DPH6: variants seen among roughly 807,000 people sequenced by gnomAD.
DPH6 encodes diphthamine biosynthesis 6, also known as diphthine--ammonia ligase.
In DPH6, 33 loss-of-function variants were observed where a neutral mutation model predicts 38.2. The observed-to-expected ratio is 0.86, with a 90% CI of 0.65 to 1.15. The LOEUF is 1.15. Among genes scored for constraint, DPH6 ranks in the 50% most tolerant of loss-of-function variants. The pLI, the probability that DPH6 is intolerant of heterozygous loss-of-function variation, is 0.00. For missense variants in DPH6, 325 were observed against 320.0 expected (o/e 1.02, Z -0.12); for synonymous variants, 108 against 103.0 (o/e 1.05, Z -0.30).
At chr15:35,251,836 T>A (rs1482265020) in intron 3 of DPH6, among the ~76,000 whole-genome samples, 1 of 152,198 alleles carries the variant, frequency 6.6e-6, no homozygotes, top group Non-Finnish European at 1.5e-5. Context: ...ACTAACCATG[T>A]TACTATGCAT....
At chr15:35,235,955 C>T (rs1207777339) in intron 3 of DPH6, among the ~76,000 whole-genome samples, 2 of 152,060 alleles carry the variant, frequency 1.3e-5, no homozygotes, top group Non-Finnish European at 2.9e-5. Flanking sequence ...AGAACATGGA[C>T]TAATAATATA....
At chr15:35,374,562 C>T (rs967616624) in intron 7 of DPH6, among the ~76,000 whole-genome samples, 5 of 152,032 alleles carry the variant, frequency 3.3e-5, no homozygotes, top group African/African-American at 1.2e-4. Flanking sequence ...GTTTACTTCC[C>T]ACTTGAAAGA....
chr15:35,156,521 G>A, the DPH6 span, among the ~76,000 whole-genome samples: 1 of 152,066 alleles, frequency 6.6e-6, no homozygotes, highest in Admixed American at 6.6e-5. Context: ...GAGTGGCGGG[G>A]GTAAAGGGGG....
At chr15:35,179,271 A>C in the DPH6 span, among the ~76,000 whole-genome samples, 2 of 151,730 alleles carry the variant, frequency 1.3e-5, no homozygotes, top group African/African-American at 4.8e-5. Flanking sequence ...GACAATTTAC[A>C]TCAAATTTTA....
intron 3 of DPH6, among the ~76,000 whole-genome samples, chr15:35,283,796 G>A (rs1430126650): frequency 3.9e-5 from 5 of 127,722 alleles, no homozygotes; most frequent in Admixed American, 2.3e-4. Flanking sequence ...ACACACACAC[G>A]GAGTCTTAGA....
intron 3 of DPH6, among the ~76,000 whole-genome samples, chr15:35,243,636 C>A (rs1369242300): frequency 6.7e-6 from 1 of 149,530 alleles, no homozygotes; most frequent in African/African-American, 2.5e-5. Flanking sequence ...ACCTTGTGAC[C>A]CCTGCCCCTG....
At chr15:35,272,015 T>C (rs559695652) in intron 3 of DPH6, among the ~76,000 whole-genome samples, 29 of 152,350 alleles carry the variant, frequency 1.9e-4, no homozygotes, top group African/African-American at 6.5e-4. Flanking sequence ...ATCTATTTTA[T>C]AGGGTGTTTG....
chr15:35,332,894 T>A (rs1370870415), intron 3 of DPH6, among the ~76,000 whole-genome samples: 10 of 151,932 alleles, frequency 6.6e-5, no homozygotes. Context: ...AAATATACAC[T>A]GTTTTGTAGA....
chr15:35,170,592 A>G, the DPH6 span, among the ~76,000 whole-genome samples: 5 of 152,210 alleles, frequency 3.3e-5, no homozygotes, highest in Non-Finnish European at 5.9e-5. Flanking sequence ...GTACAAACCT[A>G]TTCACTAATA....
chr15:35,182,220 A>ATTTTTTTT, the DPH6 span, among the ~76,000 whole-genome samples: 14 of 86,036 alleles, frequency 1.6e-4, 2 homozygotes, highest in African/African-American at 3.1e-4. Flanking sequence ...AACTCTAAGA[A>ATTTTTTTT]TTTTTTTTTT....
At chr15:35,447,156 G>A (rs1281468769) in intron 5 of DPH6, among the ~76,000 whole-genome samples, 1 of 151,934 alleles carries the variant, frequency 6.6e-6, no homozygotes, top group Non-Finnish European at 1.5e-5. Flanking sequence ...GGCCATAGGT[G>A]GAATCTTTAA....
intron 5 of DPH6, among the ~76,000 whole-genome samples, chr15:35,440,737 G>A (rs1044363429): frequency 6.6e-6 from 1 of 152,168 alleles, no homozygotes; most frequent in African/African-American, 2.4e-5. Flanking sequence ...GGGAGAATGG[G>A]GAGGAGCCAC....
chr15:35,356,519 C>T (rs1415928519), intron 3 of DPH6, among the ~76,000 whole-genome samples: 1 of 152,190 alleles, frequency 6.6e-6, no homozygotes, highest in Non-Finnish European at 1.5e-5. Context: ...CCCTCAGCTG[C>T]AGGTCTGTTG....
intron 3 of DPH6, among the ~76,000 whole-genome samples, chr15:35,293,225 T>C (rs2051991352): frequency 6.6e-6 from 1 of 152,156 alleles, no homozygotes; most frequent in African/African-American, 2.4e-5. Context: ...AATAGGGACT[T>C]TTTCCAGGAA....
At chr15:35,315,682 T>G (rs568531348) in intron 3 of DPH6, among the ~76,000 whole-genome samples, 3 of 152,308 alleles carry the variant, frequency 2.0e-5, no homozygotes, top group African/African-American at 7.2e-5. Context: ...GTAATTCCAC[T>G]ACTGGGTATA....
intron 6 of DPH6, among the ~76,000 whole-genome samples, chr15:35,385,427 C>T (rs1595518867): frequency 6.6e-6 from 1 of 152,134 alleles, no homozygotes; most frequent in Non-Finnish European, 1.5e-5. Flanking sequence ...GCATGGAGTA[C>T]TATGTAGCCA....
intron 3 of DPH6, among the ~76,000 whole-genome samples, chr15:35,296,089 G>A (rs900422492): frequency 1.1e-4 from 17 of 151,758 alleles, no homozygotes; most frequent in Admixed American, 9.2e-4. Context: ...ATAGGCGCCC[G>A]CTACCATGTC....
At chr15:35,465,791 T>C (rs1489294416) in intron 3 of DPH6, among the ~76,000 whole-genome samples, 1 of 152,200 alleles carries the variant, frequency 6.6e-6, no homozygotes, top group Admixed American at 6.5e-5. Flanking sequence ...TCTCCCATTG[T>C]GGGCTTTCAT....
At chr15:35,370,584 T>C (rs1176203188), downstream of DPH6, among the ~76,000 whole-genome samples, 1 of 151,778 alleles carries the variant, frequency 6.6e-6, no homozygotes, top group Non-Finnish European at 1.5e-5. Context: ...CATGAAAAGA[T>C]GTTCAACATC....
Sources: gnomAD v4.1 joint callset for allele counts (sites outside exome capture counted in the v4.1 genomes callset) on GRCh38, gnomAD v4.1.1 for gene constraint, MANE v1.5 for transcripts, NCBI Gene and HGNC (gene_info 2026-07-23, HGNC 2026-07-21) for gene names.